Variants in TSHR observed in about 807,000 individuals in gnomAD.
TSHR encodes thyroid stimulating hormone receptor, also known as thyrotropin receptor.
A neutral mutation model predicts 64.1 loss-of-function variants in TSHR; 51 were observed. That is an observed-to-expected ratio of 0.80 (90% CI 0.64 to 1.01). The LOEUF is 1.01. Ranked by LOEUF, TSHR falls within the 50% of genes least tolerant of loss-of-function variation. TSHR has a pLI of 0.00. For synonymous variants in TSHR, 361 were observed against 361.9 expected (o/e 1.00, Z 0.03); for missense variants, 877 against 942.8 (o/e 0.93, Z 0.91).
chr14:81,072,870 G>A (rs12887103), intron 3 of TSHR, among the ~76,000 whole-genome samples: 66,121 of 138,746 alleles, frequency 0.48, 19,094 homozygotes, highest in Non-Finnish European at 0.62. Context: ...AGTGGCGGGC[G>A]CCTGTAGTCC....
intron 8 of TSHR, among the ~76,000 whole-genome samples, chr14:81,112,501 G>A (rs1890267703): frequency 6.6e-6 from 1 of 151,932 alleles, no homozygotes. Context: ...CTAAGTTTAG[G>A]GCCTCATACC....
At chr14:80,965,965 C>G (rs1014904227) in intron 1 of TSHR, among the ~76,000 whole-genome samples, 3 of 152,214 alleles carry the variant, frequency 2.0e-5, no homozygotes, top group Non-Finnish European at 4.4e-5. Flanking sequence ...TCCTTTTAAT[C>G]TAAACTTCCC....
intron 4 of TSHR, among the ~76,000 whole-genome samples, chr14:81,090,500 C>T (rs1888638186): frequency 6.6e-6 from 1 of 152,216 alleles, no homozygotes. Flanking sequence ...CTTGGCCTCC[C>T]AAAGTGTTAG....
chr14:81,063,324 T>C (rs1335885763), intron 2 of TSHR, among the ~76,000 whole-genome samples: 2 of 152,184 alleles, frequency 1.3e-5, no homozygotes, highest in Non-Finnish European at 2.9e-5. Flanking sequence ...TCTTTCTTTG[T>C]ATATTTTGTT....
At chr14:80,996,437 G>A (rs1319974212) in intron 1 of TSHR, among the ~76,000 whole-genome samples, 1 of 152,020 alleles carries the variant, frequency 6.6e-6, no homozygotes, top group African/African-American at 2.4e-5. Context: ...ACGATGACTG[G>A]TTTATTGCAA....
rs111570981 is a variant in TSHR, at chr14:80,977,828, A to G, written c.170+21978A>G. Among the ~76,000 whole-genome samples, 64 of 152,302 alleles carry G rather than the reference A, an allele frequency of 4.2e-4. 2 individuals are homozygous for G. The highest frequency in any genetic ancestry group is 1.4e-3 in the African/African-American group (59 of 41,556). ...CAATTCAATGAATAAATCACAGCTT[A>G]TTTGTCCATTTTCTTAGATATAAAC... is the stretch of plus-strand genomic sequence containing the variant. On this transcript the variant is annotated intron_variant, in intron 1 of 9. Transcript: ENST00000298171.
In TSHR at chr14:81,108,392, A is replaced by C. The variant is rs1363267048; in HGVS notation, c.632A>C (p.Lys211Thr). Residue 211 changes from lysine (K) to threonine (T), a missense_variant, in exon 8 of 10, where the codon AAA becomes ACA. Transcript: ENST00000298171. ...CCCTCTAGTTACCTAAACAAGAATAAATACCTGACAGTTATTGACAAAGAT... is the reference window on the plus strand; with the variant it reads ...CCCTCTAGTTACCTAAACAAGAATACATACCTGACAGTTATTGACAAAGAT... ...KLDAVYLNKNKYLTVIDKDAF... is the reference protein window; with the variant it reads ...KLDAVYLNKNTYLTVIDKDAF... The C allele has an allele frequency of 1.2e-6, 2 of 1,613,424 alleles. No homozygotes were observed. The highest frequency in any genetic ancestry group is 8.5e-7 in the Non-Finnish European group (1 of 1,179,756).
intron 1 of TSHR, among the ~76,000 whole-genome samples, chr14:81,059,448 T>C (rs895729229): frequency 1.3e-5 from 2 of 152,174 alleles, no homozygotes; most frequent in African/African-American, 4.8e-5. Flanking sequence ...CGCACATTAC[T>C]ATGAAAATAT....
At chr14:81,065,034 A>G (rs993154840) in intron 2 of TSHR, among the ~76,000 whole-genome samples, 2 of 152,166 alleles carry the variant, frequency 1.3e-5, no homozygotes, top group East Asian at 3.8e-4. Context: ...GCTCACAGAC[A>G]CTTTGAAGGG....
chr14:81,085,281 C>G (rs1424327027), intron 3 of TSHR, among the ~76,000 whole-genome samples: 1 of 152,164 alleles, frequency 6.6e-6, no homozygotes, highest in African/African-American at 2.4e-5. Flanking sequence ...GCTGTTATCT[C>G]TCACCATTTA....
At chr14:81,001,243 G>A (rs941417062) in intron 1 of TSHR, 12 of 181,118 alleles carry the variant, frequency 6.6e-5, no homozygotes, top group African/African-American at 2.8e-4. Context: ...AATATCATAT[G>A]TTGCAGCAAT....
chr14:81,051,798 G>A (rs1044363604), intron 1 of TSHR: 2 of 152,064 alleles, frequency 1.3e-5, no homozygotes, highest in African/African-American at 4.8e-5. Flanking sequence ...GTGATGTTGA[G>A]CATTTTTAAC....
chr14:81,043,870 C>T (rs190450983), intron 1 of TSHR, among the ~76,000 whole-genome samples: 1 of 152,176 alleles, frequency 6.6e-6, no homozygotes, highest in East Asian at 1.9e-4. Context: ...TGCTGAGAGT[C>T]CTGGCTAGCC....
chr14:81,037,317 C>A, intron 1 of TSHR, among the ~76,000 whole-genome samples: 1 of 138,808 alleles, frequency 7.2e-6, no homozygotes, highest in Non-Finnish European at 1.6e-5. Flanking sequence ...ACGGCAGATA[C>A]ACAATGAAAA....
intron 2 of TSHR, among the ~76,000 whole-genome samples, chr14:81,067,927 C>CAATATATATATATATA (rs146901210): frequency 6.3e-5 from 6 of 95,798 alleles, no homozygotes; most frequent in African/African-American, 3.6e-4. Flanking sequence ...CAGGGTGACA[C>CAATATATATATATATA]TATATATATA....
intron 3 of TSHR, among the ~76,000 whole-genome samples, chr14:81,073,378 A>T (rs908320042): frequency 6.6e-6 from 1 of 152,140 alleles, no homozygotes; most frequent in Non-Finnish European, 1.5e-5. Flanking sequence ...AAACTTGATC[A>T]TATTGGCTTA....
intron 1 of TSHR, among the ~76,000 whole-genome samples, chr14:81,015,743 G>T (rs28533809): frequency 6.6e-6 from 1 of 151,804 alleles, no homozygotes; most frequent in Non-Finnish European, 1.5e-5. Flanking sequence ...CTGTCTAACC[G>T]AAATTTTGTA....
intron 1 of TSHR, among the ~76,000 whole-genome samples, chr14:80,958,680 C>T (rs899179652): frequency 1.3e-5 from 2 of 151,838 alleles, no homozygotes; most frequent in South Asian, 4.2e-4. Flanking sequence ...TCTTTCTAGA[C>T]AAGAAAGATC....
intron 1 of TSHR, chr14:81,050,714 T>C (rs1885388076): frequency 1.3e-5 from 2 of 152,204 alleles, no homozygotes; most frequent in South Asian, 2.1e-4. Context: ...CAAATAATTA[T>C]ATCTATTTAT....
Sources: gnomAD v4.1 joint callset for allele counts (sites outside exome capture counted in the v4.1 genomes callset) on GRCh38, gnomAD v4.1.1 for gene constraint, MANE v1.5 for transcripts, NCBI Gene and HGNC (gene_info 2026-07-23, HGNC 2026-07-21) for gene names.